Variants in GAREM1 observed in about 807,000 individuals in gnomAD.
The protein encoded by GAREM1 is GRB2-associated and regulator of MAPK protein 1.
Under a neutral mutation model 71.3 loss-of-function variants are expected in GAREM1, and 26 were observed. That is an observed-to-expected ratio of 0.36 (90% CI 0.27 to 0.51). The LOEUF is 0.51. Among genes scored for constraint, GAREM1 ranks in the 20% least tolerant of loss-of-function variants. GAREM1 has a pLI of 0.95. For missense variants in GAREM1, 1,026 were observed against 1,103.1 expected (o/e 0.93, Z 0.99); for synonymous variants, 440 against 433.2 (o/e 1.02, Z -0.20).
chr18:32,449,506 C>T (rs1442595949), intron 1 of GAREM1, among the ~76,000 whole-genome samples: 1 of 152,074 alleles, frequency 6.6e-6, no homozygotes. Context: ...GAAACCCCAT[C>T]TCTACAAAAC....
chr18:32,270,434 G>T, intron 4 of GAREM1, 51 bp from the exon 5 acceptor site: 5 of 1,509,132 alleles, frequency 3.3e-6, no homozygotes, highest in Non-Finnish European at 4.5e-6. Context: ...CAATGCCACG[G>T]GGCGCCAGCT....
At chr18:32,286,806 C>T (rs993697243) in intron 4 of GAREM1, among the ~76,000 whole-genome samples, 4 of 152,156 alleles carry the variant, frequency 2.6e-5, no homozygotes, top group Admixed American at 6.5e-5. Context: ...ATGTTTAAAA[C>T]TCTCCTGTTA....
intron 3 of GAREM1, among the ~76,000 whole-genome samples, chr18:32,306,471 C>T (rs634069): frequency 0.017 from 2,581 of 151,892 alleles, 81 homozygotes; most frequent in African/African-American, 0.058. Context: ...CAACCCCCCC[C>T]ACCCACTAAA....
At chr18:32,432,863 T>C (rs924646654) in intron 1 of GAREM1, among the ~76,000 whole-genome samples, 1 of 151,866 alleles carries the variant, frequency 6.6e-6, no homozygotes, top group Admixed American at 6.6e-5. Flanking sequence ...TACCAAACAT[T>C]TAAAGAAGAA....
intron 3 of GAREM1, among the ~76,000 whole-genome samples, chr18:32,306,043 G>A (rs547115928): frequency 1.3e-5 from 2 of 152,092 alleles, no homozygotes; most frequent in African/African-American, 2.4e-5. Context: ...TAAACTCTAG[G>A]ACCACCCTAC....
chr18:32,464,244 T>C (rs954234872), intron 1 of GAREM1, among the ~76,000 whole-genome samples: 4 of 151,928 alleles, frequency 2.6e-5, no homozygotes, highest in East Asian at 1.9e-4. Context: ...TTAGCCAAGA[T>C]TGAGCCACTG....
chr18:32,444,665 G>A (rs140037479), intron 1 of GAREM1, among the ~76,000 whole-genome samples: 134 of 152,196 alleles, frequency 8.8e-4, no homozygotes, highest in African/African-American at 2.6e-3. Context: ...GAACTAAGCC[G>A]TCCCTGGGAA....
chr18:32,470,473 G>C lies in GAREM1; in HGVS notation c.-45C>G, dbSNP rs1388726188. ...CCCGCGCTCCCCCGCCGCCGCCACC[G>C]GCACCACCCGCGCCTCGGCGGCCGC... On this transcript the variant is annotated 5_prime_UTR_variant, in exon 1 of 6. Transcript: ENST00000269209. The surrounding 1 kb of genome is among the most constrained non-coding windows in gnomAD (Gnocchi z 4.4). The C allele has an allele frequency of 8.0e-7, 1 of 1,244,168 alleles. No individual in the cohort carries two copies. Among genetic ancestry groups the C allele is most frequent in the Non-Finnish European group, 1.0e-6 (1 of 983,236 alleles). The allele number at this position is 1,244,168 out of a possible 1,614,324, so 77.1% of individuals were successfully genotyped here. A position where few individuals can be genotyped will look rare whatever the true frequency, so the allele number is the denominator to read the frequency against.
chr18:32,441,116 C>T (rs767401844), intron 1 of GAREM1, among the ~76,000 whole-genome samples: 10 of 152,078 alleles, frequency 6.6e-5, no homozygotes, highest in Non-Finnish European at 1.5e-4. Flanking sequence ...ACTTAAAAGA[C>T]ATCAAGACTC....
intron 1 of GAREM1, 96 bp from the exon 2 acceptor site, chr18:32,393,131 C>T: frequency 8.7e-7 from 1 of 1,144,988 alleles, no homozygotes; most frequent in East Asian, 2.5e-5. Context: ...TTGACTAATG[C>T]AGAAGTTGAC....
At chr18:32,466,178 T>C (rs2048997058) in intron 1 of GAREM1, among the ~76,000 whole-genome samples, 1 of 152,166 alleles carries the variant, frequency 6.6e-6, no homozygotes, top group Admixed American at 6.6e-5. Flanking sequence ...ATATACTTTT[T>C]TTTTTGGTTA....
chr18:32,421,162 T>C (rs2048516263), intron 1 of GAREM1, among the ~76,000 whole-genome samples: 1 of 152,202 alleles, frequency 6.6e-6, no homozygotes, highest in Non-Finnish European at 1.5e-5. Flanking sequence ...TTAACCCACT[T>C]CCCTCATCAG....
At chr18:32,314,578 T>A (rs1165130932) in intron 2 of GAREM1, among the ~76,000 whole-genome samples, 1 of 150,146 alleles carries the variant, frequency 6.7e-6, no homozygotes, top group Non-Finnish European at 1.5e-5. Context: ...ATTTCTTGGG[T>A]CACTTTTTGT....
At chr18:32,284,829 A>C (rs1336129987) in intron 4 of GAREM1, among the ~76,000 whole-genome samples, 2 of 148,764 alleles carry the variant, frequency 1.3e-5, no homozygotes, top group African/African-American at 5.0e-5. Flanking sequence ...GGCTCACTGC[A>C]AGCTCCACCT....
intron 1 of GAREM1, among the ~76,000 whole-genome samples, chr18:32,418,927 T>C (rs1378506495): frequency 6.6e-6 from 1 of 152,214 alleles, no homozygotes. Context: ...AGCTTAAATA[T>C]AGTCAGACGT....
In GAREM1 at chr18:32,292,158, T is replaced by C. The variant is rs2047094163; in HGVS notation, c.394-3955A>G. 2.6e-5 allele frequency among the ~76,000 whole-genome samples: 4 copies of C among 152,310 alleles called. No homozygotes were observed. The South Asian group carries it at 8.3e-4, about 32-fold the overall frequency. ...CCACATCCTTTCCAGCATCTGTTGT[T>C]TCCTGATTTTTAAATGACTGCCATT... On this transcript the variant is annotated intron_variant, in intron 3 of 5. Coordinates refer to ENST00000269209, the MANE Select transcript of GAREM1 (RefSeq NM_001242409.2).
chr18:32,365,073 A>G (rs1380136735), intron 2 of GAREM1, among the ~76,000 whole-genome samples: 1 of 150,956 alleles, frequency 6.6e-6, no homozygotes, highest in Admixed American at 6.6e-5. Context: ...CATCTACAGA[A>G]TTTTTTTTTT....
At chr18:32,410,230 TCCAGTAACTTA>T (rs2048403304) in intron 1 of GAREM1, among the ~76,000 whole-genome samples, 1 of 152,184 alleles carries the variant, frequency 6.6e-6, no homozygotes, top group African/African-American at 2.4e-5. Flanking sequence ...ACTCTCTGCT[TCCAGTAACTTA>T]AATGTATTTA....
chr18:32,463,657 C>T (rs2048972580), intron 1 of GAREM1, among the ~76,000 whole-genome samples: 1 of 150,832 alleles, frequency 6.6e-6, no homozygotes, highest in African/African-American at 2.4e-5. Context: ...GCAAACTCCA[C>T]CTCCCGGGTT....
Sources: gnomAD v4.1 joint callset for allele counts (sites outside exome capture counted in the v4.1 genomes callset) on GRCh38, gnomAD v4.1.1 for gene constraint, Gnocchi (gnomAD v3.1) non-coding constraint, MANE v1.5 for transcripts, NCBI Gene and HGNC (gene_info 2026-07-23, HGNC 2026-07-21) for gene names.